UVRAG: variants seen among roughly 807,000 people sequenced by gnomAD.
UVRAG encodes the protein UV radiation resistance-associated gene protein.
Under a neutral mutation model 78.0 loss-of-function variants are expected in UVRAG, and 19 were observed. The ratio of observed to expected loss-of-function variants is 0.24; its 90% CI spans 0.17 to 0.36. UVRAG has a LOEUF of 0.36. Among genes scored for constraint, UVRAG ranks in the 10% least tolerant of loss-of-function variants. UVRAG has a pLI of 1.00. For missense variants in UVRAG, 740 were observed against 853.8 expected (o/e 0.87, Z 1.66); for synonymous variants, 323 against 324.6 (o/e 1.00, Z 0.05).
chr11:75,939,046 G>T (rs968968018), intron 6 of UVRAG, among the ~76,000 whole-genome samples: 2 of 151,618 alleles, frequency 1.3e-5, no homozygotes, highest in African/African-American at 2.4e-5. Context: ...ACTACAAGTT[G>T]TCTGGTGGCC....
Position 75,967,172 on chromosome 11 carries a change from A to G in UVRAG, c.699+5623A>G, listed in dbSNP as rs905945401. 2.0e-5 allele frequency among the ~76,000 whole-genome samples: 3 copies of G among 152,302 alleles called. No homozygotes were observed. In the South Asian group the frequency reaches 6.2e-4, roughly 32 times the overall value. Reference sequence around the variant, plus strand: ...AAGTAGCAATTTTTGTATTTTATCCATAGTCTATATTTGTTATCCATAGTC... The same window carrying G: ...AAGTAGCAATTTTTGTATTTTATCCGTAGTCTATATTTGTTATCCATAGTC... On this transcript the variant is annotated intron_variant, in intron 7 of 14. Coordinates refer to ENST00000356136, the MANE Select transcript of UVRAG (RefSeq NM_003369.4).
chr11:76,066,871 A>T (rs765716852), intron 13 of UVRAG, among the ~76,000 whole-genome samples: 1 of 152,160 alleles, frequency 6.6e-6, no homozygotes, highest in Non-Finnish European at 1.5e-5. Flanking sequence ...TTTGGCTTTT[A>T]TTTAAATACA....
At chr11:76,014,213 T>G (rs1950105616) in intron 11 of UVRAG, among the ~76,000 whole-genome samples, 1 of 152,248 alleles carries the variant, frequency 6.6e-6, no homozygotes, top group Admixed American at 6.5e-5. Context: ...AATATAATTC[T>G]TTAGCAGTCC....
At chr11:76,114,510 TCAG>T (rs1952138849) in intron 13 of UVRAG, among the ~76,000 whole-genome samples, 1 of 152,184 alleles carries the variant, frequency 6.6e-6, no homozygotes, top group African/African-American at 2.4e-5. Flanking sequence ...TTTCTGGGGT[TCAG>T]TTTTCCCATC....
chr11:76,041,660 C>T (rs1042795869), intron 12 of UVRAG, among the ~76,000 whole-genome samples: 2 of 152,206 alleles, frequency 1.3e-5, no homozygotes, highest in African/African-American at 4.8e-5. Context: ...CCAAATCTTA[C>T]CCAAATTTAT....
chr11:76,017,404 T>A (rs1950168679), intron 12 of UVRAG, among the ~76,000 whole-genome samples: 1 of 152,094 alleles, frequency 6.6e-6, no homozygotes, highest in African/African-American at 2.4e-5. Context: ...GGAAGATAGG[T>A]CAGCAGAAAA....
At chr11:76,058,058 A>G (rs1319214633) in intron 12 of UVRAG, among the ~76,000 whole-genome samples, 1 of 151,968 alleles carries the variant, frequency 6.6e-6, no homozygotes, top group Non-Finnish European at 1.5e-5. Context: ...GTTGCTCCTG[A>G]TAGTAGGTCA....
intron 13 of UVRAG, among the ~76,000 whole-genome samples, chr11:76,104,408 C>A (rs367735038): frequency 2.0e-5 from 3 of 152,292 alleles, no homozygotes; most frequent in South Asian, 2.1e-4. Context: ...TTAATTCTGT[C>A]TCTACCTCAC....
intron 7 of UVRAG, among the ~76,000 whole-genome samples, chr11:75,976,083 T>C (rs1433687335): frequency 6.6e-6 from 1 of 152,238 alleles, no homozygotes; most frequent in Admixed American, 6.5e-5. Flanking sequence ...TGAAGGGCTG[T>C]TGAATTTTGT....
chr11:75,891,871 G>A (rs1947219242), intron 5 of UVRAG, among the ~76,000 whole-genome samples: 1 of 152,012 alleles, frequency 6.6e-6, no homozygotes, highest in Non-Finnish European at 1.5e-5. Flanking sequence ...CCCTGATGGC[G>A]CCACTTCACT....
At chr11:75,955,754 T>A (rs1247395619) in intron 6 of UVRAG, among the ~76,000 whole-genome samples, 1 of 152,062 alleles carries the variant, frequency 6.6e-6, no homozygotes, top group South Asian at 2.1e-4. Flanking sequence ...TCGGACCCAG[T>A]TGCACGCTCC....
At chr11:76,092,731 A>G (rs1326304998) in intron 13 of UVRAG, among the ~76,000 whole-genome samples, 2 of 152,108 alleles carry the variant, frequency 1.3e-5, no homozygotes, top group African/African-American at 4.8e-5. Flanking sequence ...GATTCTGGAT[A>G]TTAGCCCTTT....
intron 5 of UVRAG, among the ~76,000 whole-genome samples, chr11:75,891,721 G>A (rs1291033829): frequency 6.6e-6 from 1 of 152,142 alleles, no homozygotes; most frequent in African/African-American, 2.4e-5. Flanking sequence ...ACCAGTCTGG[G>A]CAACGTAGCA....
At chr11:75,849,373 A>T (rs1278254804) in intron 1 of UVRAG, among the ~76,000 whole-genome samples, 2 of 151,616 alleles carry the variant, frequency 1.3e-5, no homozygotes, top group Admixed American at 1.3e-4. Flanking sequence ...GGGTGCCTGT[A>T]GTCCCAGCTA....
chr11:75,820,659 T>A (rs2135801897), intron 1 of UVRAG, among the ~76,000 whole-genome samples: 1 of 152,294 alleles, frequency 6.6e-6, no homozygotes, highest in African/African-American at 2.4e-5. Context: ...CCGGCCTCAC[T>A]TATTCTTAAC....
At chr11:76,038,632 A>G (rs1367291703) in intron 12 of UVRAG, among the ~76,000 whole-genome samples, 30 of 152,362 alleles carry the variant, frequency 2.0e-4, no homozygotes, top group Non-Finnish European at 1.5e-4. Flanking sequence ...TCCTCCCATG[A>G]TTAAGGTTCC....
In UVRAG at chr11:75,815,520, A is replaced by C; in HGVS notation, c.113A>C (p.Gln38Pro). The C allele has an allele frequency of 8.1e-7, 1 of 1,236,644 alleles. No homozygotes were observed. Among genetic ancestry groups the C allele is most frequent in the Non-Finnish European group, 1.0e-6 (1 of 989,472 alleles). The allele number at this position is 1,236,644 out of a possible 1,614,324, so 76.6% of individuals were successfully genotyped here. Residue 38 changes from glutamine to proline, a missense_variant, in exon 1 of 15, where the codon CAG (glutamine) becomes CCG (proline). By Grantham distance (76) the Gln-to-Pro change is moderately conservative. Transcript: ENST00000356136. ...ARALHVELPS[Q>P]QRRLRHLRNI... The stretch of plus-strand genomic sequence containing the variant: ...GCCCTGCATGTGGAGCTGCCGTCTC[A>C]GCAGGTAAGCCCGCGCGGCTCGCAG...
intron 1 of UVRAG, among the ~76,000 whole-genome samples, chr11:75,843,941 A>G (rs1945973867): frequency 6.7e-6 from 1 of 149,996 alleles, no homozygotes; most frequent in Non-Finnish European, 1.5e-5. Flanking sequence ...CCTGGGTGAC[A>G]GAGCAAGACG....
chr11:76,049,590 C>T (rs999745327), intron 12 of UVRAG, among the ~76,000 whole-genome samples: 1 of 152,072 alleles, frequency 6.6e-6, no homozygotes, highest in Non-Finnish European at 1.5e-5. Context: ...TGATGGAGAG[C>T]ATGGAATAGA....
Sources: gnomAD v4.1 joint callset for allele counts (sites outside exome capture counted in the v4.1 genomes callset) on GRCh38, gnomAD v4.1.1 for gene constraint, MANE v1.5 for transcripts, NCBI Gene and HGNC (gene_info 2026-07-23, HGNC 2026-07-21) for gene names.